CACNA1D: variants seen among roughly 807,000 people sequenced by gnomAD.
The protein encoded by CACNA1D is voltage-dependent L-type calcium channel subunit alpha-1D.
A neutral mutation model predicts 257.1 loss-of-function variants in CACNA1D; 55 were observed. That is an observed-to-expected ratio of 0.21 (90% confidence interval 0.17 to 0.27). CACNA1D has a LOEUF of 0.27. Among genes scored for constraint, CACNA1D ranks in the 10% least tolerant of loss-of-function variants. The pLI, the probability that CACNA1D is intolerant of heterozygous loss-of-function variation, is 1.00. For missense variants in CACNA1D, 1,876 were observed against 2,784.0 expected (o/e 0.67, Z 7.34); for synonymous variants, 980 against 1,014.9 (o/e 0.97, Z 0.65).
At chr3:53,617,030 C>T (rs1197561023) in intron 3 of CACNA1D, among the ~76,000 whole-genome samples, 1 of 152,098 alleles carries the variant, frequency 6.6e-6, no homozygotes, top group Non-Finnish European at 1.5e-5. Flanking sequence ...CAGATGCTGC[C>T]TCCCTCCCCC....
At chr3:53,634,181 G>A (rs2108140898) in intron 3 of CACNA1D, among the ~76,000 whole-genome samples, 1 of 152,276 alleles carries the variant, frequency 6.6e-6, no homozygotes, top group Admixed American at 6.5e-5. Context: ...AATTCCCTTA[G>A]AACATATGTT....
intron 3 of CACNA1D, among the ~76,000 whole-genome samples, chr3:53,516,076 C>T (rs943111776): frequency 6.6e-6 from 1 of 152,184 alleles, no homozygotes; most frequent in African/African-American, 2.4e-5. Context: ...ATCTGTAAAA[C>T]AGAGATAATA....
intron 3 of CACNA1D, among the ~76,000 whole-genome samples, chr3:53,580,838 T>C (rs1299850257): frequency 1.3e-5 from 2 of 152,336 alleles, no homozygotes; most frequent in East Asian, 3.9e-4. Context: ...GTTCTCAAAA[T>C]CTTCTCATAT....
chr3:53,569,905 C>A (rs192415645), intron 3 of CACNA1D, among the ~76,000 whole-genome samples: 2 of 152,254 alleles, frequency 1.3e-5, no homozygotes. Context: ...GTTCATAGGG[C>A]TCTTGGGAGA....
intron 25 of CACNA1D, 124 bp downstream of exon 25, chr3:53,745,999 T>C: frequency 1.3e-6 from 1 of 748,702 alleles, no homozygotes; most frequent in South Asian, 1.5e-5. Context: ...GCTCAGCTTG[T>C]GGGTAGATAG....
chr3:53,511,409 A>T (rs963964590), intron 3 of CACNA1D, among the ~76,000 whole-genome samples: 1 of 152,178 alleles, frequency 6.6e-6, no homozygotes, highest in Non-Finnish European at 1.5e-5. Context: ...GACAAAGGGA[A>T]GCAGCCACGC....
chr3:53,805,764 T>C (rs1341798318), intron 45 of CACNA1D, among the ~76,000 whole-genome samples: 1 of 117,336 alleles, frequency 8.5e-6, no homozygotes, highest in Non-Finnish European at 1.7e-5. Context: ...TCCTCCTCCC[T>C]CATCTTCCCT....
intron 3 of CACNA1D, among the ~76,000 whole-genome samples, chr3:53,588,855 T>TG (rs1348486095): frequency 1.3e-5 from 2 of 152,222 alleles, no homozygotes; most frequent in South Asian, 2.1e-4. Context: ...ATCTCCTTTG[T>TG]GGAAAAAAAA....
intron 23 of CACNA1D, 106 bp downstream of exon 23, chr3:53,744,933 G>A: frequency 1.4e-6 from 1 of 726,714 alleles, no homozygotes; most frequent in Non-Finnish European, 2.5e-6. Flanking sequence ...TTTTTAAAGT[G>A]AGTTATAAGG....
intron 39 of CACNA1D, 95 bp from the exon 40 acceptor site, chr3:53,786,727 C>CAAA: frequency 1.6e-6 from 1 of 631,222 alleles, no homozygotes; most frequent in Non-Finnish European, 2.7e-6. Flanking sequence ...ACCCGCCCCA[C>CAAA]TCTGCCCCTG....
At chr3:53,716,059 A>G (rs1469093750) in intron 9 of CACNA1D, among the ~76,000 whole-genome samples, 1 of 152,224 alleles carries the variant, frequency 6.6e-6, no homozygotes, top group Admixed American at 6.5e-5. Flanking sequence ...ATGAGACATG[A>G]CTCCAGAGAT....
At position 53,673,935 on chromosome 3, in the gene CACNA1D, A is replaced by C. The variant is rs2094349510; in HGVS notation, c.1220+809A>C. ...TGTGTTTGGACTCTGATGTCCTCTCAGTGTGTTGCTTTTGGATTGAACTGT... is the reference window on the plus strand; with the variant it reads ...TGTGTTTGGACTCTGATGTCCTCTCCGTGTGTTGCTTTTGGATTGAACTGT... On this transcript the variant is annotated intron_variant, in intron 8 of 47. Transcript: ENST00000350061. This position sits in a 1 kb window ranked among gnomAD's most constrained non-coding sequence, Gnocchi z 4.1. 5.3e-6 allele frequency: 4 copies of C among 749,902 alleles called. No individual in the cohort carries two copies. The South Asian group carries it at 5.6e-5, about 11-fold the overall frequency. The allele number at this position is 749,902 out of a possible 1,614,324, so 46.5% of individuals were successfully genotyped here. A position where few individuals can be genotyped will look rare whatever the true frequency, so the allele number is the denominator to read the frequency against.
intron 45 of CACNA1D, among the ~76,000 whole-genome samples, chr3:53,807,112 T>A (rs559429756): frequency 6.6e-6 from 1 of 152,318 alleles, no homozygotes; most frequent in East Asian, 1.9e-4. Context: ...GGGGATTCCC[T>A]CCTCCTCCAG....
chr3:53,558,976 T>C (rs1475724145), intron 3 of CACNA1D, among the ~76,000 whole-genome samples: 1 of 152,166 alleles, frequency 6.6e-6, no homozygotes, highest in African/African-American at 2.4e-5. Context: ...GTTTCTTCTC[T>C]TCTTCTGGAA....
chr3:53,632,116 C>T (rs1295903581), intron 3 of CACNA1D, among the ~76,000 whole-genome samples: 5 of 152,188 alleles, frequency 3.3e-5, no homozygotes, highest in Admixed American at 2.6e-4. Flanking sequence ...GAAAAATCGT[C>T]GATGGGATCT....
intron 40 of CACNA1D, chr3:53,797,646 A>G (rs373909135): frequency 1.1e-4 from 17 of 152,224 alleles, no homozygotes; most frequent in African/African-American, 3.9e-4. Context: ...AATCTTGTGT[A>G]TCACTGAAGA....
At chr3:53,809,163 C>A in intron 46 of CACNA1D, 1 of 231,588 alleles carries the variant, frequency 4.3e-6, no homozygotes. Context: ...GTGGTTCCTT[C>A]ATTAAGTTTA....
chr3:53,810,372 G>A, intron 47 of CACNA1D, 74 bp downstream of exon 47: 1 of 1,458,890 alleles, frequency 6.9e-7, no homozygotes, highest in South Asian at 1.1e-5. Context: ...CAGCAGGAAG[G>A]GCAGTGGTGG....
intron 3 of CACNA1D, among the ~76,000 whole-genome samples, chr3:53,545,048 A>G (rs1160911175): frequency 2.0e-5 from 3 of 152,240 alleles, no homozygotes; most frequent in African/African-American, 4.8e-5. Context: ...TTGGAGAACT[A>G]TGGATCCTTC....
Sources: gnomAD v4.1 joint callset for allele counts (sites outside exome capture counted in the v4.1 genomes callset) on GRCh38, gnomAD v4.1.1 for gene constraint, Gnocchi (gnomAD v3.1) non-coding constraint, MANE v1.5 for transcripts, NCBI Gene and HGNC (gene_info 2026-07-23, HGNC 2026-07-21) for gene names.